The following MYO7A variants were observed in gnomAD, a reference collection of about 807,000 sequenced individuals.
The protein encoded by MYO7A is unconventional myosin-VIIa.
Under a neutral mutation model 263.8 loss-of-function variants are expected in MYO7A, and 210 were observed. That is an observed-to-expected ratio of 0.80 (90% CI 0.71 to 0.89). MYO7A has a LOEUF of 0.89. Ranked by LOEUF, MYO7A falls within the 40% of genes least tolerant of loss-of-function variation. MYO7A has a pLI of 0.00. For missense variants in MYO7A, 2,820 were observed against 2,968.3 expected, an observed-to-expected ratio of 0.95 and a Z score of 1.16; for synonymous variants, 1,239 against 1,197.3, an observed-to-expected ratio of 1.03 and a Z score of -0.72.
chr11:77,141,472 T>G (rs957764443), intron 2 of MYO7A, among the ~76,000 whole-genome samples: 2 of 152,194 alleles, frequency 1.3e-5, no homozygotes, highest in African/African-American at 2.4e-5. Flanking sequence ...TACTTGATAT[T>G]AAGTTATATT....
At chr11:77,210,970 G>C in intron 44 of MYO7A, 182 bp from the exon 45 acceptor site, 1 of 597,628 alleles carries the variant, frequency 1.7e-6, no homozygotes, top group South Asian at 2.3e-5. Flanking sequence ...AGGCAGACTT[G>C]CTCTGTCCCT....
chr11:77,133,533 T>C (rs1950826254), intron 2 of MYO7A, among the ~76,000 whole-genome samples: 1 of 152,268 alleles, frequency 6.6e-6, no homozygotes, highest in African/African-American at 2.4e-5. Flanking sequence ...TCATCTCAAC[T>C]GTCTTTTGGT....
At chr11:77,207,225 G>A in intron 41 of MYO7A, 64 bp from the exon 42 acceptor site, 1 of 1,195,208 alleles carries the variant, frequency 8.4e-7, no homozygotes, top group Non-Finnish European at 1.2e-6. Context: ...TAGCCAGAGG[G>A]GCCCGGGAGG....
rs534729438 is a variant in MYO7A, at chr11:77,138,286, T to TGCCGCC, written c.19-4421_19-4416dup. On this transcript the variant is annotated intron_variant, in intron 2 of 48. Transcript: ENST00000409709. The surrounding 1 kb of genome is among the most constrained non-coding windows in gnomAD (Gnocchi z 4.9). ...TAGGTGAATTAGGGAGCCGGAGCAG[T>TGCCGCC]GCCGCCGTCGCCGTCGCAGCGCCAT... Among the ~76,000 whole-genome samples the TGCCGCC allele has an allele frequency of 2.6e-5, 4 of 151,522 alleles. No individual in the cohort carries two copies. The highest frequency in any genetic ancestry group is 4.4e-5 in the Non-Finnish European group (3 of 67,706).
chr11:77,190,598 G>T, intron 29 of MYO7A, 99 bp from the exon 30 acceptor site: 2 of 1,353,198 alleles, frequency 1.5e-6, no homozygotes, highest in East Asian at 2.5e-5. Context: ...TGGGGTGCTG[G>T]GGCACCTCCA....
chr11:77,210,996 C>T lies in MYO7A; in HGVS notation c.6052-156C>T, dbSNP rs1247806848. 1.9e-5 allele frequency: 13 copies of T among 680,680 alleles called. No individual in the cohort carries two copies. In the East Asian group the frequency reaches 3.3e-4, roughly 17 times the overall value. 42.2% of individuals were successfully genotyped at this position (680,680 alleles called of 1,614,324 possible). On this transcript the variant is annotated intron_variant, in intron 44 of 48. Coordinates refer to ENST00000409709, the MANE Select transcript of MYO7A (RefSeq NM_000260.4). ...CTCTGTCCCTGTCCTGTGCCGTATC[C>T]CCTGGGGGAGCAGTGTCAGCTGAGG... is the stretch of plus-strand genomic sequence containing the variant.
chr11:77,166,832 G>A (rs2135353300), intron 15 of MYO7A, among the ~76,000 whole-genome samples: 1 of 152,290 alleles, frequency 6.6e-6, no homozygotes, highest in Middle Eastern at 3.4e-3. Flanking sequence ...ACCTCTCCCT[G>A]AGGGTCCCCC....
chr11:77,137,911 T>A (rs1376242434), intron 2 of MYO7A, among the ~76,000 whole-genome samples: 1 of 152,084 alleles, frequency 6.6e-6, no homozygotes, highest in Non-Finnish European at 1.5e-5. Context: ...AATGCATCTC[T>A]CCTTTAGTCT....
chr11:77,212,497 G>A (rs1957953727), intron 46 of MYO7A: 1 of 343,112 alleles, frequency 2.9e-6, no homozygotes, highest in African/African-American at 2.1e-5. Context: ...GAACACAGGT[G>A]ACGTGGCCAG....
intron 22 of MYO7A, among the ~76,000 whole-genome samples, chr11:77,181,102 C>T (rs191804453): frequency 1.8e-3 from 267 of 152,318 alleles, no homozygotes; most frequent in African/African-American, 6.1e-3. Flanking sequence ...AGCCAATGGC[C>T]GTGGGATGTC....
At chr11:77,177,008 AG>A (rs1207115314) in intron 18 of MYO7A, among the ~76,000 whole-genome samples, 1 of 152,216 alleles carries the variant, frequency 6.6e-6, no homozygotes, top group African/African-American at 2.4e-5. Context: ...CTTGAATGCC[AG>A]GGTGAGGAAC....
In MYO7A at chr11:77,156,097, C is replaced by A. The variant is rs370905994; in HGVS notation, c.470+6C>A. On this transcript the variant is annotated splice_donor_region_variant and intron_variant, in intron 5 of 48. Coordinates refer to ENST00000409709, the MANE Select transcript of MYO7A (RefSeq NM_000260.4). ...GACCAGTGCTGCATCATCAGGTGGG[C>A]GGCCCAGCACCTGTGTGGAGCTCCA... 21 of 1,613,050 alleles carry A rather than the reference C, an allele frequency of 1.3e-5. No individual in the cohort carries two copies. In the African/African-American group the frequency reaches 2.5e-4, roughly 19 times the overall value.
At chr11:77,205,642 A>G (rs1591484520) in intron 40 of MYO7A, 25 bp downstream of exon 40, 1 of 1,612,342 alleles carries the variant, frequency 6.2e-7, no homozygotes, top group African/African-American at 1.3e-5. Context: ...AGGGGCAGGG[A>G]CAGACACTGG....
chr11:77,169,293 C>G (rs922276977), intron 15 of MYO7A, among the ~76,000 whole-genome samples: 4 of 152,266 alleles, frequency 2.6e-5, no homozygotes, highest in Non-Finnish European at 4.4e-5. Flanking sequence ...GCAGCCCCAC[C>G]ACAGCCCTTG....
chr11:77,183,356 G>C (rs1326458082), intron 26 of MYO7A, among the ~76,000 whole-genome samples, 199 bp downstream of exon 26: 7 of 152,158 alleles, frequency 4.6e-5, no homozygotes, highest in African/African-American at 1.7e-4. Flanking sequence ...GTCTGAAGAG[G>C]GTGGGATCTC....
chr11:77,142,507 G>C, intron 2 of MYO7A: 1 of 651,074 alleles, frequency 1.5e-6, no homozygotes. Context: ...GTTCTAGAGG[G>C]GGGATTGATG....
In MYO7A at chr11:77,174,838, C is replaced by A. The variant is rs782147262; in HGVS notation, c.2018C>A (p.Pro673His). ...ATCCGAATCCGCCGAGCTGGCTACCCCATCCGCTACAGCTTCGTAGAGTTT... is the reference window on the plus strand; with the variant it reads ...ATCCGAATCCGCCGAGCTGGCTACCACATCCGCTACAGCTTCGTAGAGTTT... ...ETIRIRRAGYPIRYSFVEFVE... is the reference protein window; with the variant it reads ...ETIRIRRAGYHIRYSFVEFVE... The change falls in exon 17 of 49, where the codon CCC becomes CAC. Residue 673 changes from proline to histidine, a missense_variant. By Grantham distance (77) the Pro-to-His change is moderately conservative. Transcript: ENST00000409709. 6.2e-7 allele frequency: 1 copy of A among 1,613,646 alleles called. No individual in the cohort carries two copies. Among genetic ancestry groups the A allele is most frequent in the South Asian group, 1.1e-5 (1 of 91,074 alleles).
intron 16 of MYO7A, among the ~76,000 whole-genome samples, chr11:77,173,295 G>C (rs1954301686): frequency 1.3e-5 from 2 of 152,208 alleles, no homozygotes; most frequent in African/African-American, 4.8e-5. Context: ...TGCTGGGGCT[G>C]CTTCTTTGAA....
chr11:77,190,200 G>A, intron 29 of MYO7A, 61 bp downstream of exon 29: 1 of 1,443,442 alleles, frequency 6.9e-7, no homozygotes. Flanking sequence ...AAATGCGTGT[G>A]TGTGTGTGTC....
Sources: allele counts gnomAD v4.1 joint callset (sites outside exome capture counted in the v4.1 genomes callset), GRCh38; gene constraint gnomAD v4.1.1; non-coding constraint Gnocchi (gnomAD v3.1); transcripts MANE v1.5; gene names NCBI Gene and HGNC (gene_info 2026-07-23, HGNC 2026-07-21).